DMD: variants seen among roughly 807,000 people sequenced by gnomAD.
DMD encodes mutant dystrophin.
DMD carries 63 observed loss-of-function variants against 330.1 expected under a neutral mutation model. The ratio of observed to expected loss-of-function variants is 0.19; its 90% CI spans 0.16 to 0.24. The LOEUF is 0.24. DMD is among the 10% of genes least tolerant of loss of function. DMD has a pLI of 1.00. For synonymous variants in DMD, 1,223 were observed against 959.8 expected (o/e 1.27, Z -5.07); for missense variants, 3,344 against 2,684.1 (o/e 1.25, Z -5.43).
chrX:32,600,645 C>T (rs1228793007), intron 12 of DMD, among the ~76,000 whole-genome samples: 2 of 107,888 alleles, frequency 1.9e-5, no homozygotes, highest in Non-Finnish European at 3.8e-5. Flanking sequence ...CTAGAAACAA[C>T]ACAGAACGCT....
chrX:32,775,211 T>A (rs1190306121), intron 7 of DMD, among the ~76,000 whole-genome samples: 1 of 112,587 alleles, frequency 8.9e-6, no homozygotes, highest in Non-Finnish European at 1.9e-5. Context: ...ACAGCCCCCA[T>A]GGCTTTCACA....
At chrX:31,522,392 C>G (rs1467489307) in intron 55 of DMD, among the ~76,000 whole-genome samples, 2 of 56,244 alleles carry the variant, frequency 3.6e-5, no homozygotes, top group Admixed American at 2.2e-4. Flanking sequence ...TATATAGCTG[C>G]ACAGGAAGGA....
intron 63 of DMD, among the ~76,000 whole-genome samples, chrX:31,234,551 G>A (rs2047535695): frequency 8.9e-6 from 1 of 112,215 alleles, no homozygotes; most frequent in South Asian, 3.7e-4. Flanking sequence ...ATCATCAGTT[G>A]ACGCTTACTT....
chrX:31,845,462 T>A (rs1461476208), intron 48 of DMD, among the ~76,000 whole-genome samples: 1 of 106,140 alleles, frequency 9.4e-6, no homozygotes, highest in Non-Finnish European at 1.9e-5. Flanking sequence ...TCAAGTTGAT[T>A]GTATATACCA....
chrX:31,201,463 G>A (rs747189812), intron 67 of DMD, among the ~76,000 whole-genome samples: 3 of 112,784 alleles, frequency 2.7e-5, no homozygotes, highest in Non-Finnish European at 5.6e-5. Flanking sequence ...AGGATGGACT[G>A]AATTCAAAGC....
intron 44 of DMD, among the ~76,000 whole-genome samples, chrX:31,981,476 T>C (rs1021800973): frequency 1.8e-5 from 2 of 111,177 alleles, no homozygotes; most frequent in Admixed American, 9.6e-5. Flanking sequence ...GGGCAAATAT[T>C]AGAAGAACAA....
At chrX:31,917,604 C>T (rs1200516546) in intron 47 of DMD, among the ~76,000 whole-genome samples, 1 of 112,641 alleles carries the variant, frequency 8.9e-6, no homozygotes, top group African/African-American at 3.2e-5. Flanking sequence ...CAAAAACAAA[C>T]AATAATCAAT....
chrX:32,897,002 T>G (rs1041085664), intron 2 of DMD, among the ~76,000 whole-genome samples: 2 of 112,118 alleles, frequency 1.8e-5, no homozygotes, highest in Admixed American at 1.9e-4. Flanking sequence ...CTTTTTATCT[T>G]CTCCAGTGAT....
intron 1 of DMD, among the ~76,000 whole-genome samples, chrX:33,063,263 T>C (rs911798666): frequency 1.1e-4 from 12 of 111,397 alleles, no homozygotes; most frequent in African/African-American, 2.9e-4. Flanking sequence ...TACCAGAGAC[T>C]CTGCCAAATT....
chrX:32,289,429 T>C, intron 42 of DMD, among the ~76,000 whole-genome samples: 1 of 110,558 alleles, frequency 9.0e-6, no homozygotes, highest in South Asian at 3.9e-4. Context: ...GTCAGAGGCG[T>C]TCGAACTAGA....
intron 7 of DMD, among the ~76,000 whole-genome samples, chrX:32,757,905 C>T (rs1352919991): frequency 1.8e-5 from 2 of 111,606 alleles, no homozygotes; most frequent in African/African-American, 6.5e-5. Context: ...CCTGTTTCTG[C>T]TGTTAGAGGG....
Position 31,411,402 on chromosome X carries a change from G to A in DMD, c.9084+33079C>T, listed in dbSNP as rs776032715. On this transcript the variant is annotated intron_variant, in intron 60 of 78. Coordinates refer to ENST00000357033, the MANE Select transcript of DMD (RefSeq NM_004006.3). ...TTTTATAAATATTATTATTAACACC[G>A]CTATGTTCAAAAGTACAAAAGAGTC... 2.2e-4 allele frequency among the ~76,000 whole-genome samples: 24 copies of A among 111,421 alleles called. No homozygotes were observed. In the South Asian group the frequency reaches 5.4e-3, roughly 25 times the overall value.
At chrX:32,191,676 C>T (rs887651118) in intron 44 of DMD, among the ~76,000 whole-genome samples, 3 of 111,629 alleles carry the variant, frequency 2.7e-5, no homozygotes, top group Non-Finnish European at 5.6e-5. Flanking sequence ...GTTCAAGTGA[C>T]ATATAAAATG....
intron 51 of DMD, among the ~76,000 whole-genome samples, chrX:31,730,644 G>A (rs1403409289): frequency 9.0e-6 from 1 of 111,144 alleles, no homozygotes; most frequent in African/African-American, 3.3e-5. Context: ...ATGAAAAAAA[G>A]GCATCTGACT....
At chrX:32,539,235 C>G (rs1473094911) in intron 17 of DMD, among the ~76,000 whole-genome samples, 1 of 105,446 alleles carries the variant, frequency 9.5e-6, no homozygotes, top group Non-Finnish European at 1.9e-5. Context: ...TGACCAAGGT[C>G]ATTTTCCTTT....
chrX:32,915,908 T>G (rs2146515352), intron 2 of DMD, among the ~76,000 whole-genome samples: 1 of 111,587 alleles, frequency 9.0e-6, no homozygotes, highest in East Asian at 2.8e-4. Context: ...TTTCAACCTC[T>G]TTTGACTGGG....
At chrX:32,335,269 C>G (rs1160091701) in intron 41 of DMD, among the ~76,000 whole-genome samples, 1 of 108,002 alleles carries the variant, frequency 9.3e-6, no homozygotes, top group African/African-American at 3.4e-5. Context: ...TGGTGTGATC[C>G]CTGCTGACTG....
At chrX:31,341,891 G>A (rs7886243) in intron 61 of DMD, among the ~76,000 whole-genome samples, 2,191 of 98,849 alleles carry the variant, frequency 0.022, 58 homozygotes, top group African/African-American at 0.069. Context: ...GTGCGCGCGC[G>A]CACACACACA....
chrX:31,180,525 A>C (rs1238637011), intron 68 of DMD, 44 bp from the exon 69 acceptor site: 1 of 882,835 alleles, frequency 1.1e-6, no homozygotes, highest in Admixed American at 2.2e-5. Flanking sequence ...TCTTCGAATC[A>C]AATTCCCAAA....
Sources: gnomAD v4.1 joint callset for allele counts (sites outside exome capture counted in the v4.1 genomes callset) on GRCh38, gnomAD v4.1.1 for gene constraint, MANE v1.5 for transcripts, NCBI Gene and HGNC (gene_info 2026-07-23, HGNC 2026-07-21) for gene names.